The following TVP23C variants were observed in gnomAD, a reference collection of about 807,000 sequenced individuals.
The protein encoded by TVP23C is trans-golgi network vesicle protein 23 homolog C, also known as Golgi apparatus membrane protein TVP23 homolog C.
Under a neutral mutation model 28.7 loss-of-function variants are expected in TVP23C, and 19 were observed. That is an observed-to-expected ratio of 0.66 (90% confidence interval 0.46 to 0.97). The LOEUF is 0.97. TVP23C is among the 50% of genes least tolerant of loss of function. TVP23C has a pLI of 0.00. For synonymous variants in TVP23C, 68 were observed against 81.7 expected (o/e 0.83, Z 0.90); for missense variants, 186 against 241.3 (o/e 0.77, Z 1.52).
chr17:15,519,728 G>A (rs1982391209), intron 5 of TVP23C, among the ~76,000 whole-genome samples: 2 of 152,046 alleles, frequency 1.3e-5, no homozygotes, highest in Non-Finnish European at 1.5e-5. Flanking sequence ...GGCTAATATG[G>A]TGAAGCCCTG....
chr17:15,543,008 A>G (rs9912642), intron 5 of TVP23C, among the ~76,000 whole-genome samples: 2,641 of 152,120 alleles, frequency 0.017, 43 homozygotes, highest in African/African-American at 0.059. Context: ...GACTGGGCTC[A>G]CTCTCTTGGA....
intron 5 of TVP23C, among the ~76,000 whole-genome samples, chr17:15,525,962 AT>A (rs781320952): frequency 1.3e-4 from 20 of 152,216 alleles, no homozygotes; most frequent in Non-Finnish European, 2.2e-4. Flanking sequence ...AGTCAAAGAG[AT>A]TAAGTATCTC....
intron 5 of TVP23C, among the ~76,000 whole-genome samples, chr17:15,524,063 G>GGGGTGTGTGTGTGTGTGTGTGT (rs1216462843): frequency 4.4e-5 from 6 of 136,262 alleles, no homozygotes; most frequent in African/African-American, 1.4e-4. Context: ...AGCAGAGTGG[G>GGGGTGTGTGTGTGTGTGTGTGT]GTGTGTGTGT....
chr17:15,506,436 T>A (rs942836189), intron 5 of TVP23C, among the ~76,000 whole-genome samples: 4 of 152,200 alleles, frequency 2.6e-5, no homozygotes, highest in Non-Finnish European at 4.4e-5. Flanking sequence ...GCTCAGGGAT[T>A]GTAAACGCAC....
downstream of TVP23C, among the ~76,000 whole-genome samples, chr17:15,535,109 G>A (rs1983103626): frequency 6.7e-6 from 1 of 149,340 alleles, no homozygotes; most frequent in South Asian, 2.2e-4. Context: ...CAGTCTTAAT[G>A]AAATGATTAA....
At chr17:15,547,008 C>T in intron 4 of TVP23C, 51 bp downstream of exon 4, 1 of 1,431,628 alleles carries the variant, frequency 7.0e-7, no homozygotes, top group Non-Finnish European at 9.4e-7. Context: ...TAAATATAGT[C>T]TACAAATAAT....
At chr17:15,534,828 C>T (rs1356462922), downstream of TVP23C, among the ~76,000 whole-genome samples, 2 of 151,700 alleles carry the variant, frequency 1.3e-5, no homozygotes, top group Non-Finnish European at 2.9e-5. Flanking sequence ...ATTAGCCGGG[C>T]GTGGTGGTGG....
At chr17:15,512,180 A>G (rs1296762732) in intron 5 of TVP23C, among the ~76,000 whole-genome samples, 2 of 152,184 alleles carry the variant, frequency 1.3e-5, no homozygotes, top group African/African-American at 4.8e-5. Flanking sequence ...CAAACCACAG[A>G]GGCCTCCTCT....
At chr17:15,507,331 T>C (rs1286067067) in intron 5 of TVP23C, 15 of 756,232 alleles carry the variant, frequency 2.0e-5, no homozygotes, top group Non-Finnish European at 2.6e-5. Flanking sequence ...AAGATCACCA[T>C]TGCTGACTGG....
intron 3 of TVP23C, among the ~76,000 whole-genome samples, chr17:15,552,267 C>T (rs908178541): frequency 1.3e-5 from 2 of 152,114 alleles, no homozygotes; most frequent in Non-Finnish European, 2.9e-5. Context: ...GAAATGCAAG[C>T]CAAAGAAGAC....
intron 3 of TVP23C, among the ~76,000 whole-genome samples, chr17:15,549,756 A>T (rs2150856204): frequency 6.6e-6 from 1 of 152,168 alleles, no homozygotes; most frequent in East Asian, 1.9e-4. Context: ...AGAGGCCTTA[A>T]GTTGTGAGGA....
In TVP23C at chr17:15,515,656, C is replaced by T. The variant is rs180927703; in HGVS notation, c.463-12424G>A. Among the ~76,000 whole-genome samples, 5 of 152,272 alleles carry T rather than the reference C, an allele frequency of 3.3e-5. No individual in the cohort carries two copies. The East Asian group carries it at 9.7e-4, about 29-fold the overall frequency. Reference sequence around the variant, plus strand: ...GAAGGCCAGGTGATAGAGGACAAGTCTCTGAACACCACAGCCAAGGAATGG... The same window carrying T: ...GAAGGCCAGGTGATAGAGGACAAGTTTCTGAACACCACAGCCAAGGAATGG... On this transcript the variant is annotated intron_variant, in intron 5 of 5. Coordinates refer to the TVP23C transcript ENST00000225576.
intron 1 of TVP23C, among the ~76,000 whole-genome samples, chr17:15,557,474 A>T (rs1984186560): frequency 6.8e-6 from 1 of 147,372 alleles, no homozygotes; most frequent in Non-Finnish European, 1.5e-5. Flanking sequence ...AATTTTTGTA[A>T]TTTTAGAAGA....
chr17:15,544,505 G>C (rs1983557539), intron 5 of TVP23C, among the ~76,000 whole-genome samples: 2 of 151,694 alleles, frequency 1.3e-5, no homozygotes, highest in Admixed American at 1.3e-4. Flanking sequence ...TTTCTAAACA[G>C]AGTCTATTAA....
At chr17:15,503,429 A>C (rs1981581088) in intron 5 of TVP23C, 1 of 615,944 alleles carries the variant, frequency 1.6e-6, no homozygotes, top group Non-Finnish European at 2.6e-6. Flanking sequence ...TTGAGGCAAA[A>C]GGTGACCTGC....
At chr17:15,556,205 C>T (rs1298543703) in intron 1 of TVP23C, among the ~76,000 whole-genome samples, 1 of 152,224 alleles carries the variant, frequency 6.6e-6, no homozygotes, top group Non-Finnish European at 1.5e-5. Context: ...GCCTGAGCCA[C>T]CACGCCTGGC....
Position 15,538,607 on chromosome 17 carries a change from TA to T in TVP23C, c.*1804del. The stretch of plus-strand genomic sequence containing the variant: ...CTCTGTCTCAAAAAAAATAAATAAA[TA>T]AAAAAGTAGACATGCGCTAATGAAG... On this transcript the variant is annotated 3_prime_UTR_variant, in exon 6 of 6. Transcript: ENST00000518321. The T allele has an allele frequency of 1.0e-6, 1 of 984,396 alleles. No individual in the cohort carries two copies. Among genetic ancestry groups the T allele is most frequent in the East Asian group, 1.1e-4 (1 of 8,776 alleles). The allele number at this position is 984,396 out of a possible 1,614,324, so 61.0% of individuals were successfully genotyped here.
intron 3 of TVP23C, among the ~76,000 whole-genome samples, chr17:15,550,775 T>C (rs1322460061): frequency 1.3e-5 from 2 of 152,180 alleles, no homozygotes; most frequent in Non-Finnish European, 2.9e-5. Context: ...TTTCTTTTTG[T>C]TTGAGTTGAT....
intron 3 of TVP23C, among the ~76,000 whole-genome samples, chr17:15,550,117 G>T (rs1983824246): frequency 1.3e-5 from 2 of 151,968 alleles, no homozygotes; most frequent in African/African-American, 2.4e-5. Context: ...CTGGACTCAA[G>T]TAGTCCATTA....
Sources: allele counts gnomAD v4.1 joint callset (sites outside exome capture counted in the v4.1 genomes callset), GRCh38; gene constraint gnomAD v4.1.1; transcripts MANE v1.5; gene names NCBI Gene and HGNC (gene_info 2026-07-23, HGNC 2026-07-21).